Variants in ANO10 observed in about 807,000 individuals in gnomAD.
The protein encoded by ANO10 is anoctamin 10.
ANO10 carries 77 observed loss-of-function variants against 74.7 expected under a neutral mutation model. That is an observed-to-expected ratio of 1.03 (90% CI 0.86 to 1.25). ANO10 has a LOEUF of 1.25. Among genes scored for constraint, ANO10 ranks in the 50% most tolerant of loss-of-function variants. ANO10 has a pLI of 0.00. For missense variants in ANO10, 721 were observed against 778.1 expected (o/e 0.93, Z 0.87); for synonymous variants, 279 against 284.9 (o/e 0.98, Z 0.21).
At chr3:43,368,286 G>A (rs1436763340) in intron 12 of ANO10, among the ~76,000 whole-genome samples, 2 of 152,158 alleles carry the variant, frequency 1.3e-5, no homozygotes, top group East Asian at 1.9e-4. Context: ...GTTTACCTGC[G>A]GTGGGGGTAA....
chr3:43,566,326 A>T lies in ANO10; in HGVS notation c.1219-599T>A, dbSNP rs1575441805. On this transcript the variant is annotated intron_variant, in intron 7 of 12. Coordinates refer to ENST00000292246, the MANE Select transcript of ANO10 (RefSeq NM_018075.5). Reference sequence around the variant, plus strand: ...CAGCTGGGAAGCTCGAACTGGGTGGAGCCCACCACAGCTGAAGGAGGCCTG... The same window carrying T: ...CAGCTGGGAAGCTCGAACTGGGTGGTGCCCACCACAGCTGAAGGAGGCCTG... Among the ~76,000 whole-genome samples the T allele has an allele frequency of 5.3e-5, 8 of 152,372 alleles. No individual in the cohort carries two copies. In the East Asian group the frequency reaches 1.5e-3, roughly 29 times the overall value.
chr3:43,615,869 G>A (rs2083076088), intron 1 of ANO10, among the ~76,000 whole-genome samples: 1 of 152,140 alleles, frequency 6.6e-6, no homozygotes, highest in Admixed American at 6.5e-5. Context: ...TAGCCAGGAT[G>A]GTCTCGATCT....
chr3:43,649,926 A>G (rs79601158), intron 1 of ANO10, among the ~76,000 whole-genome samples: 1,933 of 152,314 alleles, frequency 0.013, 132 homozygotes, highest in Admixed American at 0.11. Flanking sequence ...AGCAGTGTCC[A>G]GGGGTCGGAG....
At chr3:43,480,725 G>C (rs1270278875) in intron 11 of ANO10, among the ~76,000 whole-genome samples, 1 of 152,156 alleles carries the variant, frequency 6.6e-6, no homozygotes, top group African/African-American at 2.4e-5. Context: ...TGCCCAAATG[G>C]GAAGGGAACA....
At chr3:43,466,384 A>AAACC (rs57908891) in intron 11 of ANO10, among the ~76,000 whole-genome samples, 1 of 37,998 alleles carries the variant, frequency 2.6e-5, no homozygotes, top group Non-Finnish European at 9.6e-5. Flanking sequence ...AAAAAAAAAA[A>AAACC]AAACAAACAA....
chr3:43,388,822 A>G (rs1268236082), intron 12 of ANO10, among the ~76,000 whole-genome samples: 1 of 152,262 alleles, frequency 6.6e-6, no homozygotes, highest in East Asian at 1.9e-4. Context: ...TAAGAGAAGT[A>G]GTAAAACACA....
rs1269279824 is a variant in ANO10 at position 43,576,777 on chromosome 3, C to T, written c.1077G>A (p.Leu359=). ...NSGSEWTSVL[L]YVPSIIYAIV... ...TGGCATAGATGATGCTGGGCACATA[C>T]AACAGGACACTGGTCCACTCAGACC... The change falls in exon 6 of 13, where the codon TTG becomes TTA. Residue 359 remains leucine, a synonymous_variant. Coordinates refer to ENST00000292246, the MANE Select transcript of ANO10 (RefSeq NM_018075.5). 3.1e-6 allele frequency: 5 copies of T among 1,614,176 alleles called. No individual in the cohort carries two copies. Among genetic ancestry groups the T allele is most frequent in the Non-Finnish European group, 4.2e-6 (5 of 1,180,036 alleles).
At chr3:43,633,460 G>A (rs930322198) in intron 1 of ANO10, among the ~76,000 whole-genome samples, 9 of 152,162 alleles carry the variant, frequency 5.9e-5, no homozygotes, top group African/African-American at 1.4e-4. Flanking sequence ...TCTTAGCAGG[G>A]AAGAGGCTAA....
At chr3:43,487,481 C>G (rs2076540972) in intron 11 of ANO10, among the ~76,000 whole-genome samples, 1 of 151,494 alleles carries the variant, frequency 6.6e-6, no homozygotes, top group African/African-American at 2.4e-5. Context: ...ACAATTTCAG[C>G]TCCTGTTATT....
At position 43,674,788 on chromosome 3, in the gene ANO10, C is replaced by T. The variant is rs146356169; in HGVS notation, c.-12+16729G>A. Among the ~76,000 whole-genome samples the T allele has an allele frequency of 1.5e-3, 221 of 152,270 alleles. 1 individual carries two copies. The highest frequency in any genetic ancestry group is 5.1e-3 in the African/African-American group (213 of 41,520). ...CAGAAATGGCTCAAAAGGATCATCC[C>T]AGTTTGAGTCAGAGTGGCTGGTCTT... On this transcript the variant is annotated intron_variant, in intron 1 of 3. Transcript: ENST00000413397.
chr3:43,552,742 G>A (rs1238983019), intron 10 of ANO10, among the ~76,000 whole-genome samples: 113 of 145,934 alleles, frequency 7.7e-4, no homozygotes, highest in African/African-American at 2.7e-3. Context: ...ATGTATGTAT[G>A]TATGTATGTA....
chr3:43,573,830 A>C (rs148669775), intron 7 of ANO10, among the ~76,000 whole-genome samples: 1 of 152,348 alleles, frequency 6.6e-6, no homozygotes, highest in African/African-American at 2.4e-5. Context: ...TTTTAATGTA[A>C]TATTCCATCA....
chr3:43,535,267 C>CTTTTTTTTTTTTTTT (rs71616100), intron 11 of ANO10, among the ~76,000 whole-genome samples: 1 of 107,896 alleles, frequency 9.3e-6, no homozygotes. Context: ...CCTAGACATT[C>CTTTTTTTTTTTTTTT]TTTTTTTTTT....
chr3:43,511,557 A>G (rs1021961562), intron 11 of ANO10, among the ~76,000 whole-genome samples: 1 of 152,154 alleles, frequency 6.6e-6, no homozygotes, highest in Non-Finnish European at 1.5e-5. Context: ...AGTCAAGCAG[A>G]GCCCATTCGT....
At chr3:43,580,803 TC>T (rs1376546756) in intron 4 of ANO10, among the ~76,000 whole-genome samples, 1 of 152,092 alleles carries the variant, frequency 6.6e-6, no homozygotes, top group African/African-American at 2.4e-5. Flanking sequence ...TAAAAATATA[TC>T]CATATATATT....
chr3:43,458,156 T>C (rs2075220781), intron 11 of ANO10, among the ~76,000 whole-genome samples: 1 of 152,200 alleles, frequency 6.6e-6, no homozygotes, highest in Non-Finnish European at 1.5e-5. Context: ...CTGTGCTATA[T>C]ATAATCTTTG....
At chr3:43,551,398 A>C in intron 10 of ANO10, 1 of 399,356 alleles carries the variant, frequency 2.5e-6, no homozygotes, top group Admixed American at 3.1e-5. Flanking sequence ...ACCTATATTG[A>C]GTTATAATTT....
chr3:43,448,865 CTTTCTTTCT>C (rs932539574), intron 11 of ANO10, among the ~76,000 whole-genome samples: 19 of 103,676 alleles, frequency 1.8e-4, no homozygotes, highest in African/African-American at 5.1e-4. Flanking sequence ...TTCTTTCTTT[CTTTCTTTCT>C]TTTTTTTTTT....
intron 12 of ANO10, among the ~76,000 whole-genome samples, chr3:43,428,175 G>A (rs1396678703): frequency 5.3e-5 from 8 of 151,912 alleles, no homozygotes; most frequent in African/African-American, 1.9e-4. Flanking sequence ...TCAGCCTCCC[G>A]AGTAGCTGGG....
Sources: allele counts gnomAD v4.1 joint callset (sites outside exome capture counted in the v4.1 genomes callset), GRCh38; gene constraint gnomAD v4.1.1; transcripts MANE v1.5; gene names NCBI Gene and HGNC (gene_info 2026-07-23, HGNC 2026-07-21).